Variants in ANKRD17 observed in about 807,000 individuals in gnomAD.
The protein encoded by ANKRD17 is ankyrin repeat domain 17, also known as ankyrin repeat domain-containing protein 17.
In ANKRD17, 19 loss-of-function variants were observed where a neutral mutation model predicts 229.7. The ratio of observed to expected loss-of-function variants is 0.08; its 90% CI spans 0.06 to 0.12. The LOEUF (loss-of-function observed/expected upper bound fraction) is 0.12. Ranked by LOEUF, ANKRD17 falls within the 10% of genes least tolerant of loss-of-function variation. The pLI, the probability that ANKRD17 is intolerant of heterozygous loss-of-function variation, is 1.00. For missense variants in ANKRD17, 2,176 were observed against 3,176.8 expected, an observed-to-expected ratio of 0.68 and a Z score of 7.57; for synonymous variants, 1,112 against 1,146.1, an observed-to-expected ratio of 0.97 and a Z score of 0.60.
At chr4:73,078,360 G>A (rs2110085366) in intron 31 of ANKRD17, among the ~76,000 whole-genome samples, 1 of 151,304 alleles carries the variant, frequency 6.6e-6, no homozygotes, top group Admixed American at 6.6e-5. Context: ...CTGGGTTACA[G>A]AGCGAGACTC....
intron 5 of ANKRD17, among the ~76,000 whole-genome samples, chr4:73,154,913 C>G (rs1482410619): frequency 6.6e-6 from 1 of 151,530 alleles, no homozygotes; most frequent in Admixed American, 6.6e-5. Flanking sequence ...TAGTGGCAGG[C>G]GCCTGTAGTC....
At chr4:73,158,168 G>GAAAGAAAGAAAGAAAGAAAGAAAGAA (rs1731985018) in intron 3 of ANKRD17, among the ~76,000 whole-genome samples, 1 of 149,814 alleles carries the variant, frequency 6.7e-6, no homozygotes, top group Non-Finnish European at 1.5e-5. Context: ...AAGAAAGAAA[G>GAAAGAAAGAAAGAAAGAAAGAAAGAA]AAAGAAAGAA....
At chr4:73,169,885 C>T (rs2148956202) in intron 2 of ANKRD17, among the ~76,000 whole-genome samples, 1 of 152,246 alleles carries the variant, frequency 6.6e-6, no homozygotes, top group East Asian at 1.9e-4. Context: ...TTGGACCAGG[C>T]ATAGCCGCAA....
At chr4:73,121,576 C>G (rs766624517) in intron 19 of ANKRD17, 41 bp downstream of exon 19, 6 of 1,609,474 alleles carry the variant, frequency 3.7e-6, no homozygotes, top group East Asian at 2.2e-5. Flanking sequence ...CTATAACAGT[C>G]TTACTAAATA....
At chr4:73,099,221 G>T in intron 25 of ANKRD17, 1 of 573,810 alleles carries the variant, frequency 1.7e-6, no homozygotes, top group South Asian at 1.7e-5. Flanking sequence ...CGCTCCCACC[G>T]CCCCCGCCCC....
At chr4:73,167,951 C>T (rs1440988558) in intron 2 of ANKRD17, among the ~76,000 whole-genome samples, 1 of 151,952 alleles carries the variant, frequency 6.6e-6, no homozygotes, top group Non-Finnish European at 1.5e-5. Context: ...AGGAGATCGA[C>T]ACCATCCTGG....
At chr4:73,256,177 T>C (rs1182743817) in intron 1 of ANKRD17, among the ~76,000 whole-genome samples, 1 of 152,206 alleles carries the variant, frequency 6.6e-6, no homozygotes, top group East Asian at 1.9e-4. Flanking sequence ...CATTCCTATA[T>C]TACAAAAGGA....
intron 1 of ANKRD17, among the ~76,000 whole-genome samples, chr4:73,247,973 AAT>A (rs1285001346): frequency 1.3e-5 from 2 of 152,042 alleles, no homozygotes; most frequent in African/African-American, 4.8e-5. Flanking sequence ...TGTTTCTACA[AAT>A]AGGTATAAAT....
intron 1 of ANKRD17, among the ~76,000 whole-genome samples, chr4:73,210,318 G>T (rs989163303): frequency 6.6e-6 from 1 of 151,892 alleles, no homozygotes; most frequent in African/African-American, 2.4e-5. Flanking sequence ...AAAATAAAAA[G>T]AATTAGCAGT....
chr4:73,115,553 C>A (rs1362465994), intron 23 of ANKRD17, among the ~76,000 whole-genome samples: 1 of 152,044 alleles, frequency 6.6e-6, no homozygotes, highest in East Asian at 1.9e-4. Flanking sequence ...GCCTCCCAAA[C>A]TGCTGGGATT....
At chr4:73,088,166 C>G (rs953305803) in intron 29 of ANKRD17, among the ~76,000 whole-genome samples, 2 of 151,770 alleles carry the variant, frequency 1.3e-5, no homozygotes, top group African/African-American at 4.8e-5. Context: ...GTCTAAAATA[C>G]AAATAATCAA....
At chr4:73,239,322 C>G (rs936722376) in intron 1 of ANKRD17, among the ~76,000 whole-genome samples, 8 of 152,124 alleles carry the variant, frequency 5.3e-5, no homozygotes, top group Non-Finnish European at 8.8e-5. Flanking sequence ...TATCTTACCA[C>G]AATACAGAAA....
chr4:73,214,405 C>A (rs972325379), intron 1 of ANKRD17, among the ~76,000 whole-genome samples: 1 of 152,144 alleles, frequency 6.6e-6, no homozygotes, highest in African/African-American at 2.4e-5. Flanking sequence ...CAAGTGTGGT[C>A]CATGGGATCT....
At chr4:73,200,204 A>G (rs542913421) in intron 1 of ANKRD17, among the ~76,000 whole-genome samples, 1 of 152,292 alleles carries the variant, frequency 6.6e-6, no homozygotes, top group Admixed American at 6.5e-5. Flanking sequence ...TTTAGTAAAT[A>G]AATCTTTACT....
intron 6 of ANKRD17, among the ~76,000 whole-genome samples, chr4:73,152,705 C>T (rs1266494593): frequency 1.3e-5 from 2 of 152,114 alleles, no homozygotes; most frequent in African/African-American, 4.8e-5. Flanking sequence ...TAGTGAAATG[C>T]AGCCAGTACT....
At chr4:73,109,576 G>C (rs527605658) in intron 24 of ANKRD17, among the ~76,000 whole-genome samples, 10 of 152,204 alleles carry the variant, frequency 6.6e-5, no homozygotes, top group African/African-American at 2.2e-4. Flanking sequence ...CCTAGGATAA[G>C]GGAGAAAGTA....
chr4:73,252,306 G>T (rs1317543190), intron 1 of ANKRD17, among the ~76,000 whole-genome samples: 1 of 152,194 alleles, frequency 6.6e-6, no homozygotes, highest in Non-Finnish European at 1.5e-5. Context: ...TAAGAGAAAA[G>T]AGAGTAGGCA....
intron 1 of ANKRD17, among the ~76,000 whole-genome samples, chr4:73,207,579 T>G (rs1368296555): frequency 2.0e-5 from 3 of 152,192 alleles, no homozygotes; most frequent in Admixed American, 6.5e-5. Context: ...TGGAGAAAGA[T>G]ATACCATGCA....
chr4:73,097,341 T>C (rs1418723639), intron 26 of ANKRD17, 69 bp from the exon 27 acceptor site: 2 of 1,321,830 alleles, frequency 1.5e-6, no homozygotes, highest in Non-Finnish European at 2.0e-6. Context: ...ATAAAGGTAG[T>C]CTACTACCCA....
Sources: allele counts gnomAD v4.1 joint callset (sites outside exome capture counted in the v4.1 genomes callset), GRCh38; gene constraint gnomAD v4.1.1; transcripts MANE v1.5; gene names NCBI Gene and HGNC (gene_info 2026-07-23, HGNC 2026-07-21).